SGCZ: variants seen among roughly 807,000 people sequenced by gnomAD.
The protein encoded by SGCZ is sarcoglycan zeta.
SGCZ carries 40 observed loss-of-function variants against 41.3 expected under a neutral mutation model. The observed-to-expected ratio is 0.97, with a 90% CI of 0.75 to 1.26. SGCZ has a LOEUF of 1.26. SGCZ is among the 50% of genes most tolerant of loss of function. SGCZ has a pLI of 0.00. For missense variants in SGCZ, 552 were observed against 369.8 expected, an observed-to-expected ratio of 1.49 and a Z score of -4.04; for synonymous variants, 206 against 137.5, an observed-to-expected ratio of 1.50 and a Z score of -3.49.
At chr8:14,284,874 T>C (rs897443588) in intron 3 of SGCZ, among the ~76,000 whole-genome samples, 4 of 152,200 alleles carry the variant, frequency 2.6e-5, no homozygotes, top group Admixed American at 2.6e-4. Flanking sequence ...TGTATGTTTT[T>C]TCTGTTGTCT....
chr8:14,297,041 C>A (rs576663873), intron 3 of SGCZ, among the ~76,000 whole-genome samples: 2 of 152,220 alleles, frequency 1.3e-5, no homozygotes, highest in East Asian at 1.9e-4. Flanking sequence ...CCTGTCTCAG[C>A]ATCCTGAGTA....
intron 1 of SGCZ, among the ~76,000 whole-genome samples, chr8:15,064,921 C>T (rs1351796822): frequency 6.6e-6 from 1 of 152,160 alleles, no homozygotes; most frequent in Non-Finnish European, 1.5e-5. Flanking sequence ...ATTACTATGT[C>T]TACTTGACAT....
intron 1 of SGCZ, among the ~76,000 whole-genome samples, chr8:15,095,723 C>A (rs545317198): frequency 4.6e-5 from 7 of 152,234 alleles, no homozygotes; most frequent in African/African-American, 1.7e-4. Flanking sequence ...AAGCAGTGTG[C>A]TAAAGTAACA....
chr8:14,390,058 T>G (rs985276743), intron 2 of SGCZ, among the ~76,000 whole-genome samples: 4 of 152,008 alleles, frequency 2.6e-5, no homozygotes, highest in African/African-American at 9.7e-5. Flanking sequence ...TTTGTAGAAC[T>G]TTAAAATAAC....
chr8:15,169,098 C>T (rs550566379), intron 1 of SGCZ, among the ~76,000 whole-genome samples: 3 of 152,328 alleles, frequency 2.0e-5, no homozygotes, highest in African/African-American at 7.2e-5. Flanking sequence ...CAACCATAGC[C>T]TCTAACAATG....
chr8:14,648,700 G>A (rs1334869296), intron 1 of SGCZ, among the ~76,000 whole-genome samples: 2 of 151,966 alleles, frequency 1.3e-5, no homozygotes, highest in African/African-American at 4.8e-5. Context: ...ATCAAGGTGT[G>A]CAAGAGACTC....
At chr8:14,353,868 C>T (rs900899742) in intron 2 of SGCZ, among the ~76,000 whole-genome samples, 3 of 152,020 alleles carry the variant, frequency 2.0e-5, no homozygotes, top group Admixed American at 6.6e-5. Flanking sequence ...TCATTATGTT[C>T]ATCTGCTTTC....
intron 2 of SGCZ, among the ~76,000 whole-genome samples, chr8:14,533,515 G>A (rs1563391928): frequency 6.6e-6 from 1 of 151,992 alleles, no homozygotes; most frequent in East Asian, 1.9e-4. Context: ...TCCTATGATA[G>A]CAAATAGAAC....
intron 1 of SGCZ, among the ~76,000 whole-genome samples, chr8:15,187,897 T>C (rs2117102778): frequency 6.6e-6 from 1 of 152,126 alleles, no homozygotes; most frequent in African/African-American, 2.4e-5. Context: ...CCAAATACTA[T>C]TTATGAAAAT....
chr8:14,749,335 A>T (rs770874656), intron 1 of SGCZ, among the ~76,000 whole-genome samples: 2 of 152,168 alleles, frequency 1.3e-5, no homozygotes, highest in Admixed American at 6.5e-5. Flanking sequence ...AACATGATGA[A>T]GTCATTTTTT....
chr8:15,003,560 T>C lies in SGCZ; in HGVS notation c.39+234025A>G, dbSNP rs566116559. On this transcript the variant is annotated intron_variant, in intron 1 of 7. Coordinates refer to ENST00000382080, the MANE Select transcript of SGCZ (RefSeq NM_139167.4). ...AACCATACAATTAAAAAGTAGAAAATGGAATGTGTTGACTTAAATAAATAG... is the reference window on the plus strand; with the variant it reads ...AACCATACAATTAAAAAGTAGAAAACGGAATGTGTTGACTTAAATAAATAG... Among the ~76,000 whole-genome samples the C allele has an allele frequency of 1.8e-4, 27 of 152,210 alleles. No homozygotes were observed. The South Asian group carries it at 3.9e-3, about 22-fold the overall frequency.
intron 2 of SGCZ, among the ~76,000 whole-genome samples, chr8:14,386,785 C>G (rs993628415): frequency 6.6e-6 from 1 of 152,110 alleles, no homozygotes; most frequent in Non-Finnish European, 1.5e-5. Flanking sequence ...AATGCCTATA[C>G]ATGCAAGACA....
intron 1 of SGCZ, among the ~76,000 whole-genome samples, chr8:14,831,069 C>G (rs1802509117): frequency 6.6e-6 from 1 of 152,120 alleles, no homozygotes. Flanking sequence ...GTCTCAGTTT[C>G]CTTGCTCATA....
chr8:15,141,406 G>A (rs912801552), intron 1 of SGCZ, among the ~76,000 whole-genome samples: 5 of 152,258 alleles, frequency 3.3e-5, no homozygotes, highest in Admixed American at 6.5e-5. Flanking sequence ...TGAATGTCCT[G>A]GAGTTTGGGA....
chr8:15,221,004 G>T (rs911928040), intron 1 of SGCZ, among the ~76,000 whole-genome samples: 1 of 152,012 alleles, frequency 6.6e-6, no homozygotes, highest in Non-Finnish European at 1.5e-5. Context: ...CACACACAGG[G>T]GCCGGTCGTC....
chr8:14,117,460 C>G (rs557187703), intron 5 of SGCZ, among the ~76,000 whole-genome samples: 1 of 145,852 alleles, frequency 6.9e-6, no homozygotes, highest in African/African-American at 2.6e-5. Flanking sequence ...AGTATAGCAT[C>G]TCACTGGGGA....
intron 5 of SGCZ, among the ~76,000 whole-genome samples, chr8:14,138,279 G>T (rs1014311769): frequency 6.6e-6 from 1 of 152,120 alleles, no homozygotes; most frequent in African/African-American, 2.4e-5. Flanking sequence ...CAACTAACGA[G>T]CAAAATAATC....
At chr8:14,647,698 A>T (rs1585152309) in intron 1 of SGCZ, among the ~76,000 whole-genome samples, 1 of 152,140 alleles carries the variant, frequency 6.6e-6, no homozygotes, top group Non-Finnish European at 1.5e-5. Flanking sequence ...CATTTTAAAT[A>T]TATATGTAGG....
intron 1 of SGCZ, among the ~76,000 whole-genome samples, chr8:14,712,457 G>C (rs771901123): frequency 3.3e-4 from 50 of 152,230 alleles, no homozygotes; most frequent in Non-Finnish European, 2.4e-4. Flanking sequence ...TCTGCAGTAT[G>C]TGAGGTTATT....
Sources: gnomAD v4.1 joint callset for allele counts (sites outside exome capture counted in the v4.1 genomes callset) on GRCh38, gnomAD v4.1.1 for gene constraint, MANE v1.5 for transcripts, NCBI Gene and HGNC (gene_info 2026-07-23, HGNC 2026-07-21) for gene names.